The following TPD52L2 variants were observed in gnomAD, a reference collection of about 807,000 sequenced individuals.
TPD52L2 encodes TPD52 like 2, also known as tumor protein D54.
Under a neutral mutation model 24.7 loss-of-function variants are expected in TPD52L2, and 19 were observed. That is an observed-to-expected ratio of 0.77 (90% CI 0.54 to 1.13). The LOEUF is 1.13. Among genes scored for constraint, TPD52L2 ranks in the 50% most tolerant of loss-of-function variants. The pLI, the probability that TPD52L2 is intolerant of heterozygous loss-of-function variation, is 0.00. For synonymous variants in TPD52L2, 104 were observed against 100.2 expected (o/e 1.04, Z -0.23); for missense variants, 236 against 250.4 (o/e 0.94, Z 0.39).
Position 63,877,716 on chromosome 20 carries a change from C to T in TPD52L2, c.374+1841C>T, listed in dbSNP as rs907514324. ...GTTTTAGAGAGCTTATTACAACACT[C>T]AGCGTCCCGACCCCTCTGGAGAAAC... On this transcript the variant is annotated intron_variant, in intron 4 of 6. Transcript: ENST00000346249. This position sits in a 1 kb window ranked among gnomAD's most constrained non-coding sequence, Gnocchi z 4.1. Among the ~76,000 whole-genome samples the T allele has an allele frequency of 1.3e-5, 2 of 152,268 alleles. No homozygotes were observed. Among genetic ancestry groups the T allele is most frequent in the East Asian group, 1.9e-4 (1 of 5,196 alleles).
chr20:63,875,752 G>A (rs2052648357), intron 3 of TPD52L2, 64 bp from the exon 4 acceptor site: 3 of 1,534,258 alleles, frequency 2.0e-6, no homozygotes, highest in African/African-American at 2.7e-5. Flanking sequence ...AACTTCACCT[G>A]CAGTTTGATG....
At chr20:63,876,357 C>T (rs1185336012) in intron 4 of TPD52L2, among the ~76,000 whole-genome samples, 1 of 152,126 alleles carries the variant, frequency 6.6e-6, no homozygotes, top group Non-Finnish European at 1.5e-5. Flanking sequence ...GTAGGATATG[C>T]TGGTGGAAAT....
intron 5 of TPD52L2, among the ~76,000 whole-genome samples, chr20:63,883,708 G>C (rs1410672720): frequency 6.6e-6 from 1 of 152,096 alleles, no homozygotes. Flanking sequence ...ATGGGTGCAG[G>C]CTTCCTAAAG....
In TPD52L2 at chr20:63,866,750, C is replaced by T. The variant is rs6011195; in HGVS notation, c.19+1366C>T. Among the ~76,000 whole-genome samples the T allele has an allele frequency of 9.3e-3, 1,332 of 142,800 alleles. 15 individuals carry two copies. Among genetic ancestry groups the T allele is most frequent in the African/African-American group, 0.028 (1,082 of 38,578 alleles). The allele number at this position is 142,800 out of a possible 152,430, so 93.7% of individuals were successfully genotyped here. ...CTGGGATTACAGGCGTGAGCCACCG[C>T]GCCTGGCCTTTTTTTTTTTTTTTTT... On this transcript the variant is annotated intron_variant, in intron 1 of 6. Coordinates refer to ENST00000346249, the MANE Select transcript of TPD52L2 (RefSeq NM_003288.4).
At chr20:63,883,964 CCA>C (rs1221399768) in intron 5 of TPD52L2, among the ~76,000 whole-genome samples, 1 of 152,014 alleles carries the variant, frequency 6.6e-6, no homozygotes, top group East Asian at 1.9e-4. Context: ...ACACAGACGG[CCA>C]CACACACCCA....
chr20:63,886,326 G>A lies in TPD52L2; in HGVS notation c.477-2864G>A, dbSNP rs371714679. 2.8e-4 allele frequency among the ~76,000 whole-genome samples: 42 copies of A among 151,922 alleles called. No homozygotes were observed. The East Asian group carries it at 5.4e-3, about 20-fold the overall frequency. ...CCTGCTGCCGGGTCTGTGAATAACT[G>A]GCCTGGCGTCCAGGCCTGAGTTTAC... On this transcript the variant is annotated intron_variant, in intron 5 of 6. Coordinates refer to ENST00000346249, the MANE Select transcript of TPD52L2 (RefSeq NM_003288.4).
In TPD52L2 at chr20:63,891,345, G is replaced by A. The variant is rs991787002; in HGVS notation, c.*1400G>A. 3 of 152,516 alleles carry A rather than the reference G, an allele frequency of 2.0e-5. No individual in the cohort carries two copies. Among genetic ancestry groups the A allele is most frequent in the African/African-American group, 4.8e-5 (2 of 41,434 alleles). 9.4% of individuals were successfully genotyped at this position (152,516 alleles called of 1,614,324 possible). A position where few individuals can be genotyped will look rare whatever the true frequency, so the allele number is the denominator to read the frequency against. On this transcript the variant is annotated 3_prime_UTR_variant, in exon 7 of 7. Coordinates refer to ENST00000346249, the MANE Select transcript of TPD52L2 (RefSeq NM_003288.4). The surrounding 1 kb of genome is among the most constrained non-coding windows in gnomAD (Gnocchi z 4.7). Reference sequence around the variant, plus strand: ...TCCCCGGACAGTTCAGACACCCTTGGGGATGGCACTCCACACACGACAGAG... The same window carrying A: ...TCCCCGGACAGTTCAGACACCCTTGAGGATGGCACTCCACACACGACAGAG...
At position 63,888,753 on chromosome 20, in the gene TPD52L2, G is replaced by C; in HGVS notation, c.477-437G>C. On this transcript the variant is annotated intron_variant, in intron 5 of 6. Transcript: ENST00000346249. ...TCCCTGTAGGGGACAGCAGAGAGGG[G>C]CCGACAGCCCCCCAACTGCGCAGAC... 1.6e-5 allele frequency: 3 copies of C among 191,126 alleles called. No individual in the cohort carries two copies. The South Asian group carries it at 3.1e-4, about 20-fold the overall frequency. 11.8% of individuals were successfully genotyped at this position (191,126 alleles called of 1,614,324 possible).
At chr20:63,868,224 T>C (rs759046747) in intron 1 of TPD52L2, among the ~76,000 whole-genome samples, 1 of 152,242 alleles carries the variant, frequency 6.6e-6, no homozygotes, top group Non-Finnish European at 1.5e-5. Flanking sequence ...TAAGCCTGTT[T>C]CTTTTCAGAA....
Position 63,890,132 on chromosome 20 carries a change from C to A in TPD52L2, c.*187C>A. 2.3e-6 allele frequency: 3 copies of A among 1,332,318 alleles called. No individual in the cohort carries two copies. Among genetic ancestry groups the A allele is most frequent in the Admixed American group, 2.4e-5 (1 of 41,960 alleles). 82.5% of individuals were successfully genotyped at this position (1,332,318 alleles called of 1,614,324 possible). ...AATTTGAAGAACACAGGCTTGTACACAGATGTTTTACACTCACGTTTGTAG... is the reference window on the plus strand; with the variant it reads ...AATTTGAAGAACACAGGCTTGTACAAAGATGTTTTACACTCACGTTTGTAG... On this transcript the variant is annotated 3_prime_UTR_variant, in exon 7 of 7. Coordinates refer to ENST00000346249, the MANE Select transcript of TPD52L2 (RefSeq NM_003288.4).
At chr20:63,886,388 T>C (rs1032543732) in intron 5 of TPD52L2, among the ~76,000 whole-genome samples, 1 of 150,428 alleles carries the variant, frequency 6.6e-6, no homozygotes, top group Non-Finnish European at 1.5e-5. Context: ...TTAGACGGAG[T>C]CTTGCTCTGT....
chr20:63,869,569 TC>T (rs1050834442), intron 2 of TPD52L2, 128 bp downstream of exon 2: 3 of 1,176,544 alleles, frequency 2.5e-6, no homozygotes, highest in African/African-American at 3.0e-5. Flanking sequence ...TGCTCTGTGT[TC>T]CGACTGATAA....
intron 2 of TPD52L2, among the ~76,000 whole-genome samples, chr20:63,871,023 G>A (rs529645979): frequency 1.4e-4 from 21 of 151,084 alleles, no homozygotes; most frequent in African/African-American, 4.9e-4. Context: ...GCCCCTACAA[G>A]GTGAAGTTCT....
At chr20:63,887,365 G>A in intron 5 of TPD52L2, 1 of 710,870 alleles carries the variant, frequency 1.4e-6, no homozygotes, top group Admixed American at 2.0e-5. Context: ...GGGCAACTTG[G>A]GGTGCCCCCC....
intron 4 of TPD52L2, chr20:63,876,507 A>G (rs1441398572): frequency 2.6e-5 from 9 of 345,740 alleles, no homozygotes; most frequent in African/African-American, 8.6e-5. Flanking sequence ...AAACTAGATA[A>G]TAGCACTTCA....
rs557767210 is a variant in TPD52L2, at chr20:63,873,784, C to T, written c.282C>T (p.Ser94=). The T allele has an allele frequency of 1.4e-5, 22 of 1,582,542 alleles. No homozygotes were observed. The highest frequency in any genetic ancestry group is 1.8e-5 in the Non-Finnish European group (21 of 1,167,356). ...TGGGGGAGCTGAAACAGAACCTGTC[C>T]AGGAGCTGGCATGACGTGCAGGTCT... ...STLGELKQNL[S]RSWHDVQVSS... The change falls in exon 3 of 7, where the codon TCC becomes TCT. Residue 94 remains serine, a synonymous_variant. Transcript: ENST00000346249.
At chr20:63,867,402 C>T (rs1237474776) in intron 1 of TPD52L2, among the ~76,000 whole-genome samples, 1 of 151,994 alleles carries the variant, frequency 6.6e-6, no homozygotes, top group African/African-American at 2.4e-5. Flanking sequence ...CCCGTCTCTA[C>T]TAAAAATAAA....
rs958486824 is a variant in TPD52L2 at position 63,876,013 on chromosome 20, TTC to T, written c.374+143_374+144del. The T allele has an allele frequency of 6.0e-6, 5 of 839,372 alleles. No homozygotes were observed. In the African/African-American group the frequency reaches 8.7e-5, roughly 15 times the overall value. 52.0% of individuals were successfully genotyped at this position (839,372 alleles called of 1,614,324 possible). On this transcript the variant is annotated intron_variant, in intron 4 of 6. Coordinates refer to ENST00000346249, the MANE Select transcript of TPD52L2 (RefSeq NM_003288.4). Reference sequence around the variant, plus strand: ...CTATTTTTTCTTCCTATAACTTTTCTTCTCTCAGGTAAACTATCCTTTAAACT... The same window carrying T: ...CTATTTTTTCTTCCTATAACTTTTCTTCTCAGGTAAACTATCCTTTAAACT...
chr20:63,865,619 CT>C (rs2052187380), intron 1 of TPD52L2, among the ~76,000 whole-genome samples: 2 of 152,224 alleles, frequency 1.3e-5, no homozygotes, highest in African/African-American at 2.4e-5. Context: ...CTGGTCTCCC[CT>C]GGGACCGTTC....
Sources: gnomAD v4.1 joint callset for allele counts (sites outside exome capture counted in the v4.1 genomes callset) on GRCh38, gnomAD v4.1.1 for gene constraint, Gnocchi (gnomAD v3.1) non-coding constraint, MANE v1.5 for transcripts, NCBI Gene and HGNC (gene_info 2026-07-23, HGNC 2026-07-21) for gene names.